The following GRM7 variants were observed in gnomAD, a reference collection of about 807,000 sequenced individuals.
GRM7 encodes the protein metabotropic glutamate receptor 7.
Under a neutral mutation model 84.5 loss-of-function variants are expected in GRM7, and 35 were observed. The observed-to-expected ratio is 0.41, with a 90% confidence interval of 0.32 to 0.55. The LOEUF is 0.55. Ranked by LOEUF, GRM7 falls within the 20% of genes least tolerant of loss-of-function variation. GRM7 has a pLI of 0.19. For missense variants in GRM7, 1,003 were observed against 1,194.6 expected (o/e 0.84, Z 2.36); for synonymous variants, 487 against 455.1 (o/e 1.07, Z -0.89).
chr3:7,469,878 G>A (rs541851694), intron 7 of GRM7, among the ~76,000 whole-genome samples: 7 of 152,192 alleles, frequency 4.6e-5, no homozygotes, highest in South Asian at 4.2e-4. Flanking sequence ...CTTGAGATGC[G>A]AGACCCCAAA....
At chr3:7,063,087 T>C (rs1697489739) in intron 1 of GRM7, among the ~76,000 whole-genome samples, 1 of 151,684 alleles carries the variant, frequency 6.6e-6, no homozygotes, top group Non-Finnish European at 1.5e-5. Context: ...AAGCCAAAGG[T>C]TAGCTCAGCT....
intron 9 of GRM7, 161 bp downstream of exon 9, chr3:7,680,456 A>G (rs930654630): frequency 1.5e-6 from 1 of 661,378 alleles, no homozygotes; most frequent in African/African-American, 1.8e-5. Context: ...AGTTTGACTC[A>G]TTCCTGCCAC....
At chr3:7,029,319 A>C (rs1240434) in intron 1 of GRM7, among the ~76,000 whole-genome samples, 1,667 of 69,066 alleles carry the variant, frequency 0.024, 17 homozygotes, top group East Asian at 0.053. Flanking sequence ...AAAAAACAAA[A>C]AAAAAAAACA....
chr3:7,040,225 C>T (rs898466659), intron 1 of GRM7, among the ~76,000 whole-genome samples: 1 of 152,166 alleles, frequency 6.6e-6, no homozygotes, highest in Non-Finnish European at 1.5e-5. Context: ...ACATTGATAA[C>T]TCATCACCTC....
chr3:7,087,745 C>G (rs1654132528), intron 1 of GRM7, among the ~76,000 whole-genome samples: 1 of 152,082 alleles, frequency 6.6e-6, no homozygotes, highest in South Asian at 2.1e-4. Flanking sequence ...GACTCTGTAG[C>G]AAAAGGGTTT....
intron 4 of GRM7, among the ~76,000 whole-genome samples, chr3:7,388,161 G>A (rs114598729): frequency 0.012 from 1,759 of 152,176 alleles, 39 homozygotes; most frequent in African/African-American, 0.041. Context: ...GATTACTGAA[G>A]TCATTTATCA....
intron 1 of GRM7, among the ~76,000 whole-genome samples, chr3:6,907,399 C>A (rs773496853): frequency 2.6e-5 from 4 of 152,116 alleles, no homozygotes; most frequent in Non-Finnish European, 5.9e-5. Context: ...AAGGGTTATG[C>A]TGAACAAGAT....
At chr3:7,411,599 T>G (rs562312005) in intron 4 of GRM7, among the ~76,000 whole-genome samples, 14 of 152,356 alleles carry the variant, frequency 9.2e-5, no homozygotes, top group African/African-American at 3.1e-4. Context: ...TTTTGAACTT[T>G]ATGTGACATA....
intron 5 of GRM7, among the ~76,000 whole-genome samples, chr3:7,427,412 G>A (rs1017697314): frequency 1.3e-5 from 2 of 152,240 alleles, no homozygotes; most frequent in African/African-American, 4.8e-5. Flanking sequence ...TGCATAAAGG[G>A]TTAAAACCCT....
At chr3:7,282,284 C>T (rs933355782) in intron 2 of GRM7, among the ~76,000 whole-genome samples, 1 of 152,112 alleles carries the variant, frequency 6.6e-6, no homozygotes, top group African/African-American at 2.4e-5. Context: ...CTAAAATATG[C>T]CTCAGTGGTC....
chr3:7,484,060 C>G (rs1241609904), intron 7 of GRM7, among the ~76,000 whole-genome samples: 1 of 152,124 alleles, frequency 6.6e-6, no homozygotes, highest in Non-Finnish European at 1.5e-5. Context: ...AGATCTGATT[C>G]TATAATTAGT....
intron 4 of GRM7, among the ~76,000 whole-genome samples, chr3:7,363,733 G>C (rs967889687): frequency 6.6e-6 from 1 of 152,034 alleles, no homozygotes; most frequent in Non-Finnish European, 1.5e-5. Context: ...AATTGACCCT[G>C]TCAAATGATT....
chr3:7,732,074 C>T (rs145801515), intron 9 of GRM7, among the ~76,000 whole-genome samples: 1,521 of 152,092 alleles, frequency 0.01, 31 homozygotes, highest in East Asian at 0.068. Context: ...GAGACAGAGT[C>T]TCGCTTTGTC....
chr3:6,931,790 C>A (rs1237462798), intron 1 of GRM7, among the ~76,000 whole-genome samples: 1 of 152,206 alleles, frequency 6.6e-6, no homozygotes, highest in Non-Finnish European at 1.5e-5. Context: ...TTTGGCTATT[C>A]CCTCATACTC....
At chr3:7,136,288 G>T (rs1574948709) in intron 1 of GRM7, among the ~76,000 whole-genome samples, 1 of 151,558 alleles carries the variant, frequency 6.6e-6, no homozygotes, top group Non-Finnish European at 1.5e-5. Flanking sequence ...TGGCAGCCTG[G>T]TTCCTGAGGG....
At chr3:7,032,354 A>G (rs1165272460) in intron 1 of GRM7, among the ~76,000 whole-genome samples, 1 of 152,260 alleles carries the variant, frequency 6.6e-6, no homozygotes, top group Non-Finnish European at 1.5e-5. Context: ...TAGTATAGGT[A>G]GACAACTTTC....
chr3:7,414,537 C>T (rs1353130174), intron 4 of GRM7, among the ~76,000 whole-genome samples: 1 of 152,116 alleles, frequency 6.6e-6, no homozygotes, highest in South Asian at 2.1e-4. Flanking sequence ...GTCCTCGTCC[C>T]TGCTCATCTG....
At chr3:7,443,427 T>G (rs879915397) in intron 5 of GRM7, among the ~76,000 whole-genome samples, 6 of 152,264 alleles carry the variant, frequency 3.9e-5, no homozygotes, top group Admixed American at 1.3e-4. Context: ...TTATAAAATT[T>G]TTTTTTTCAC....
At chr3:7,612,805 G>A (rs1485170) in intron 8 of GRM7, among the ~76,000 whole-genome samples, 63,208 of 152,012 alleles carry the variant, frequency 0.42, 13,442 homozygotes, top group African/African-American at 0.47. Context: ...AGAATTCTTG[G>A]AAACAGCTTC....
Sources: gnomAD v4.1 joint callset for allele counts (sites outside exome capture counted in the v4.1 genomes callset) on GRCh38, gnomAD v4.1.1 for gene constraint, MANE v1.5 for transcripts, NCBI Gene and HGNC (gene_info 2026-07-23, HGNC 2026-07-21) for gene names.